ABCB5: variants seen among roughly 807,000 people sequenced by gnomAD.
ABCB5 encodes ATP binding cassette subfamily B member 5, also known as ATP-binding cassette sub-family B member 5.
A neutral mutation model predicts 144.2 loss-of-function variants in ABCB5; 155 were observed. That is an observed-to-expected ratio of 1.08 (90% CI 0.94 to 1.23). The LOEUF is 1.23. ABCB5 is among the 50% of genes most tolerant of loss of function. The probability of loss-of-function intolerance (pLI) is 0.00; values close to 1 mark genes in which losing one functional copy is unlikely to be tolerated. For synonymous variants in ABCB5, 610 were observed against 528.6 expected, an observed-to-expected ratio of 1.15 and a Z score of -2.11; for missense variants, 1,830 against 1,520.8, an observed-to-expected ratio of 1.20 and a Z score of -3.38.
At chr7:20,752,006 T>A (rs1317497585) in intron 26 of ABCB5, among the ~76,000 whole-genome samples, 4 of 152,220 alleles carry the variant, frequency 2.6e-5, no homozygotes, top group Non-Finnish European at 4.4e-5. Context: ...CACATTTTGT[T>A]ATAAGGTTAT....
intron 1 of ABCB5, among the ~76,000 whole-genome samples, chr7:20,618,764 C>CT (rs59970398): frequency 0.38 from 19,483 of 51,446 alleles, 7,175 homozygotes; most frequent in East Asian, 0.47. Flanking sequence ...GCTGCATTTT[C>CT]TTTTTTTTTT....
chr7:20,715,080 T>C (rs1781626915), intron 20 of ABCB5, among the ~76,000 whole-genome samples: 1 of 152,246 alleles, frequency 6.6e-6, no homozygotes, highest in African/African-American at 2.4e-5. Context: ...AGTCTCATTC[T>C]GTTGCCCAAG....
chr7:20,747,733 A>T (rs1461461777), intron 26 of ABCB5, among the ~76,000 whole-genome samples: 4 of 152,204 alleles, frequency 2.6e-5, no homozygotes, highest in Non-Finnish European at 5.9e-5. Context: ...CTTATTTTTC[A>T]GTGTTTTAAA....
In ABCB5 at chr7:20,628,160, C is replaced by G. The variant is rs186145659; in HGVS notation, c.109-528C>G. On this transcript the variant is annotated intron_variant, in intron 3 of 27. Transcript: ENST00000404938. ...TCTCCTAATACTATCCCTCCCCCAG[C>G]CTCCCACCCCACAACAGGCCCCGGT... is the stretch of plus-strand genomic sequence containing the variant. 4.6e-5 allele frequency among the ~76,000 whole-genome samples: 7 copies of G among 152,174 alleles called. No homozygotes were observed. The East Asian group carries it at 1.4e-3, about 29-fold the overall frequency.
intron 13 of ABCB5, among the ~76,000 whole-genome samples, chr7:20,658,112 G>A (rs1456243022): frequency 1.3e-5 from 2 of 151,830 alleles, no homozygotes; most frequent in East Asian, 1.9e-4. Flanking sequence ...GGAAATTGTG[G>A]GTAACATACC....
At chr7:20,690,741 G>A (rs766208218) in intron 16 of ABCB5, among the ~76,000 whole-genome samples, 6 of 152,132 alleles carry the variant, frequency 3.9e-5, no homozygotes, top group Non-Finnish European at 8.8e-5. Context: ...TGAGAGTCAG[G>A]ACCCTGCACC....
chr7:20,720,867 C>A lies in ABCB5; in HGVS notation c.2422-2149C>A, dbSNP rs574483492. ...GCTGAGGCAGGAGAATGGCGTGAAC[C>A]CGGGAGGCGGAGCTTGCAGTGAGTC... On this transcript the variant is annotated intron_variant, in intron 20 of 27. Coordinates refer to ENST00000404938, the MANE Select transcript of ABCB5 (RefSeq NM_001163941.2). Among the ~76,000 whole-genome samples the A allele has an allele frequency of 7.1e-3, 1,024 of 144,894 alleles. 11 individuals are homozygous for A. Among genetic ancestry groups the A allele is most frequent in the African/African-American group, 0.025 (971 of 39,108 alleles).
At chr7:20,733,786 A>C (rs544073484) in intron 23 of ABCB5, among the ~76,000 whole-genome samples, 1 of 151,958 alleles carries the variant, frequency 6.6e-6, no homozygotes, top group African/African-American at 2.4e-5. Flanking sequence ...CTACAGGCAC[A>C]TGTCACCACA....
At chr7:20,726,358 C>A (rs1363986714) in intron 21 of ABCB5, among the ~76,000 whole-genome samples, 3 of 78,436 alleles carry the variant, frequency 3.8e-5, no homozygotes, top group Admixed American at 2.0e-4. Context: ...TCTCTGCTAT[C>A]TTTTTTTTTT....
intron 16 of ABCB5, among the ~76,000 whole-genome samples, chr7:20,692,678 T>A (rs2128041840): frequency 6.6e-6 from 1 of 152,174 alleles, no homozygotes; most frequent in South Asian, 2.1e-4. Flanking sequence ...TGGGTTTTTT[T>A]AAGACAAGTA....
At chr7:20,616,430 C>T (rs1032697446) in intron 1 of ABCB5, among the ~76,000 whole-genome samples, 2 of 152,204 alleles carry the variant, frequency 1.3e-5, no homozygotes, top group Non-Finnish European at 2.9e-5. Flanking sequence ...GATGCTTGAA[C>T]GTTAAGTGCA....
At chr7:20,736,279 G>A (rs189389191) in intron 23 of ABCB5, among the ~76,000 whole-genome samples, 112 of 152,178 alleles carry the variant, frequency 7.4e-4, no homozygotes, top group Middle Eastern at 3.4e-3. Context: ...GTGCAGTGAC[G>A]TGATCTCAGC....
Position 20,713,163 on chromosome 7 carries a change from A to G in ABCB5, c.2421+8356A>G, listed in dbSNP as rs1042543024. On this transcript the variant is annotated intron_variant, in intron 20 of 27. Transcript: ENST00000404938. ...ATGTGGCATATCTAACATTTTGTCA[A>G]TTCTGGGTTGGTGTCCATGGATTCA... Among the ~76,000 whole-genome samples, 15 of 149,026 alleles carry G rather than the reference A, an allele frequency of 1.0e-4. 1 individual carries two copies. In the East Asian group the frequency reaches 2.2e-3, roughly 22 times the overall value.
chr7:20,668,378 T>G (rs1219214982), intron 14 of ABCB5, among the ~76,000 whole-genome samples: 1 of 138,450 alleles, frequency 7.2e-6, no homozygotes, highest in South Asian at 2.5e-4. Context: ...CCCGCCGCCC[T>G]GTCTGGGATG....
chr7:20,747,955 C>A (rs137996005), intron 26 of ABCB5, among the ~76,000 whole-genome samples: 75 of 152,302 alleles, frequency 4.9e-4, no homozygotes, highest in African/African-American at 1.7e-3. Flanking sequence ...AGAGAGGAAA[C>A]CAGCCACGCA....
intron 9 of ABCB5, 58 bp from the exon 10 acceptor site, chr7:20,647,477 C>G: frequency 8.0e-6 from 12 of 1,500,852 alleles, no homozygotes; most frequent in Non-Finnish European, 1.1e-5. Context: ...ATATTACATT[C>G]TATTGTCTTT....
chr7:20,628,647 T>G, intron 3 of ABCB5, 41 bp from the exon 4 acceptor site: 1 of 1,590,166 alleles, frequency 6.3e-7, no homozygotes, highest in Non-Finnish European at 8.6e-7. Context: ...TGTGTTTGTT[T>G]GTTTTACAGT....
chr7:20,711,333 A>T (rs1787022812), intron 20 of ABCB5, among the ~76,000 whole-genome samples: 1 of 149,668 alleles, frequency 6.7e-6, no homozygotes, highest in Admixed American at 6.7e-5. Flanking sequence ...TTAAAGCGTT[A>T]AGCTTGATAG....
chr7:20,667,668 TC>T (rs1785244138), intron 14 of ABCB5: 1 of 497,200 alleles, frequency 2.0e-6, no homozygotes, highest in African/African-American at 2.5e-5. Flanking sequence ...AACATTCGCC[TC>T]TGCCCCTGCC....
Sources: allele counts gnomAD v4.1 joint callset (sites outside exome capture counted in the v4.1 genomes callset), GRCh38; gene constraint gnomAD v4.1.1; transcripts MANE v1.5; gene names NCBI Gene and HGNC (gene_info 2026-07-23, HGNC 2026-07-21).